The following KCNMB2 variants were observed in gnomAD, a reference collection of about 807,000 sequenced individuals.
KCNMB2 encodes calcium-activated potassium channel subunit beta-2.
Under a neutral mutation model 24.5 loss-of-function variants are expected in KCNMB2, and 9 were observed. The observed-to-expected ratio is 0.37, with a 90% CI of 0.22 to 0.64. The LOEUF is 0.64. Among genes scored for constraint, KCNMB2 ranks in the 30% least tolerant of loss-of-function variants. KCNMB2 has a pLI of 0.63. For synonymous variants in KCNMB2, 109 were observed against 104.4 expected, an observed-to-expected ratio of 1.04 and a Z score of -0.27; for missense variants, 226 against 284.3, an observed-to-expected ratio of 0.79 and a Z score of 1.47.
At position 178,792,031 on chromosome 3, in the gene KCNMB2, T is replaced by TA. The variant is rs1204618479; in HGVS notation, c.-67-15306dup. ...TCTGAAAGAAAAGGATGTTAAGCAA[T>TA]AAAAAATCATCTCAAGGTACAAAAT... On this transcript the variant is annotated intron_variant, in intron 1 of 4. Coordinates refer to ENST00000452583, the MANE Select transcript of KCNMB2 (RefSeq NM_181361.3). Among the ~76,000 whole-genome samples, 6 of 151,884 alleles carry TA rather than the reference T, an allele frequency of 4.0e-5. No homozygotes were observed. In the South Asian group the frequency reaches 6.2e-4, roughly 16 times the overall value.
intron 1 of KCNMB2, among the ~76,000 whole-genome samples, chr3:178,703,047 T>A (rs1722156718): frequency 6.6e-6 from 1 of 152,132 alleles, no homozygotes; most frequent in Admixed American, 6.6e-5. Context: ...TTATTCCCTT[T>A]AAGTTTTAAG....
chr3:178,668,504 C>T (rs986684837), intron 1 of KCNMB2, among the ~76,000 whole-genome samples: 1 of 152,006 alleles, frequency 6.6e-6, no homozygotes, highest in Admixed American at 6.6e-5. Context: ...AAAATTATAA[C>T]CCTAGCAGGA....
chr3:178,624,052 G>A (rs1045097770), intron 1 of KCNMB2, among the ~76,000 whole-genome samples: 1 of 152,178 alleles, frequency 6.6e-6, no homozygotes, highest in Admixed American at 6.5e-5. Context: ...TAGCACCTAC[G>A]TGCTGTGTGC....
rs147769118 is a variant in KCNMB2, at chr3:178,728,217, G to C, written c.-67-79126G>C. Among the ~76,000 whole-genome samples the C allele has an allele frequency of 9.2e-3, 1,397 of 152,122 alleles. 24 individuals are homozygous for C. Among genetic ancestry groups the C allele is most frequent in the African/African-American group, 0.032 (1,317 of 41,502 alleles). ...CTGTGATTTTTCCTTAAAGAGAGTGGGCAGGAATCAGACATAATAAAGATG... is the reference window on the plus strand; with the variant it reads ...CTGTGATTTTTCCTTAAAGAGAGTGCGCAGGAATCAGACATAATAAAGATG... On this transcript the variant is annotated intron_variant, in intron 1 of 4. Coordinates refer to ENST00000452583, the MANE Select transcript of KCNMB2 (RefSeq NM_181361.3).
At chr3:178,734,689 A>G (rs1028356312) in intron 1 of KCNMB2, among the ~76,000 whole-genome samples, 1 of 152,218 alleles carries the variant, frequency 6.6e-6, no homozygotes, top group Non-Finnish European at 1.5e-5. Flanking sequence ...AAGTCCTCTG[A>G]TTCCAAATTT....
rs185492800 is a variant in KCNMB2, at chr3:178,608,130, T to G, written c.-68+71419T>G. On this transcript the variant is annotated intron_variant, in intron 1 of 4. Transcript: ENST00000452583. ...GAGCAAAATAGACAAAATCAGAAAA[T>G]TAAATTCAAACTTCTAAAGTAAAGC... is the stretch of plus-strand genomic sequence containing the variant. 2.6e-5 allele frequency among the ~76,000 whole-genome samples: 4 copies of G among 152,230 alleles called. No individual in the cohort carries two copies. In the East Asian group the frequency reaches 7.7e-4, roughly 29 times the overall value.
At chr3:178,793,423 G>A (rs1266750768) in intron 1 of KCNMB2, among the ~76,000 whole-genome samples, 1 of 151,644 alleles carries the variant, frequency 6.6e-6, no homozygotes, top group East Asian at 1.9e-4. Flanking sequence ...ATAAGATAAA[G>A]TTTCTCTAAC....
At chr3:178,631,216 A>G (rs1461722914) in intron 1 of KCNMB2, among the ~76,000 whole-genome samples, 1 of 152,198 alleles carries the variant, frequency 6.6e-6, no homozygotes, top group Non-Finnish European at 1.5e-5. Flanking sequence ...CCTCTAGGTC[A>G]TCTTCCCACT....
intron 1 of KCNMB2, among the ~76,000 whole-genome samples, chr3:178,667,729 T>C (rs1720768248): frequency 6.6e-6 from 1 of 152,096 alleles, no homozygotes; most frequent in African/African-American, 2.4e-5. Context: ...ATTTCTGCTG[T>C]TTAGCCTGGC....
chr3:178,636,522 A>C (rs1719529139), intron 1 of KCNMB2, among the ~76,000 whole-genome samples: 1 of 152,234 alleles, frequency 6.6e-6, no homozygotes, highest in South Asian at 2.1e-4. Context: ...TGTCTGAATT[A>C]ATTGCCTTGT....
chr3:178,637,645 A>T (rs927845469), intron 1 of KCNMB2, among the ~76,000 whole-genome samples: 8 of 152,244 alleles, frequency 5.3e-5, no homozygotes, highest in Non-Finnish European at 1.0e-4. Flanking sequence ...AACACAAGTG[A>T]AATGAAGGTC....
chr3:178,731,707 C>T (rs888673374), intron 1 of KCNMB2, among the ~76,000 whole-genome samples: 1 of 152,138 alleles, frequency 6.6e-6, no homozygotes, highest in Non-Finnish European at 1.5e-5. Flanking sequence ...AGTTCAAGAC[C>T]AGCCTGGCCA....
chr3:178,685,612 T>C (rs1721441083), intron 1 of KCNMB2, among the ~76,000 whole-genome samples: 1 of 152,248 alleles, frequency 6.6e-6, no homozygotes, highest in Admixed American at 6.5e-5. Flanking sequence ...CTTGTTTTTA[T>C]ATAACATCAT....
At chr3:178,565,681 T>G (rs1469198241) in intron 1 of KCNMB2, among the ~76,000 whole-genome samples, 4 of 152,206 alleles carry the variant, frequency 2.6e-5, no homozygotes, top group African/African-American at 9.7e-5. Context: ...CACATAGCTA[T>G]CATTGACTTT....
At chr3:178,815,275 A>T (rs1714361558) in intron 2 of KCNMB2, among the ~76,000 whole-genome samples, 1 of 151,922 alleles carries the variant, frequency 6.6e-6, no homozygotes, top group Non-Finnish European at 1.5e-5. Context: ...TGCAGCTGAA[A>T]CTACGGGCAT....
At chr3:178,624,613 T>TTTTTA (rs1491539079) in intron 1 of KCNMB2, among the ~76,000 whole-genome samples, 1 of 148,402 alleles carries the variant, frequency 6.7e-6, no homozygotes, top group African/African-American at 2.5e-5. Flanking sequence ...TTTTTTTTTT[T>TTTTTA]AAAAAAGGCA....
In KCNMB2 at chr3:178,581,349, G is replaced by C. The variant is rs746890145; in HGVS notation, c.-68+44638G>C. Among the ~76,000 whole-genome samples the C allele has an allele frequency of 2.0e-5, 3 of 151,854 alleles. No individual in the cohort carries two copies. The South Asian group carries it at 6.2e-4, about 31-fold the overall frequency. ...CTGAAACTGGATCCCTTCCTTACAC[G>C]TTATACAAAAATTAACTCAAGATGG... On this transcript the variant is annotated intron_variant, in intron 1 of 4. Coordinates refer to ENST00000452583, the MANE Select transcript of KCNMB2 (RefSeq NM_181361.3).
chr3:178,791,276 G>C (rs564048227), intron 1 of KCNMB2, among the ~76,000 whole-genome samples: 101 of 152,318 alleles, frequency 6.6e-4, no homozygotes, highest in African/African-American at 2.4e-3. Flanking sequence ...TTAACAAAGA[G>C]ATTGAAATAG....
At chr3:178,672,480 T>C (rs1022638583) in intron 1 of KCNMB2, among the ~76,000 whole-genome samples, 5 of 152,184 alleles carry the variant, frequency 3.3e-5, no homozygotes, top group Admixed American at 2.6e-4. Context: ...TGACTAATAG[T>C]ACATCCATGT....
Sources: allele counts gnomAD v4.1 joint callset (sites outside exome capture counted in the v4.1 genomes callset), GRCh38; gene constraint gnomAD v4.1.1; transcripts MANE v1.5; gene names NCBI Gene and HGNC (gene_info 2026-07-23, HGNC 2026-07-21).